The following OPCML variants were observed in gnomAD, a reference collection of about 807,000 sequenced individuals.
OPCML encodes opioid binding protein/cell adhesion molecule like.
Under a neutral mutation model 37.8 loss-of-function variants are expected in OPCML, and 13 were observed. That is an observed-to-expected ratio of 0.34 (90% CI 0.22 to 0.55). The LOEUF is 0.55. Ranked by LOEUF, OPCML falls within the 20% of genes least tolerant of loss-of-function variation. The pLI, the probability that OPCML is intolerant of heterozygous loss-of-function variation, is 0.91. For synonymous variants in OPCML, 176 were observed against 168.8 expected, an observed-to-expected ratio of 1.04 and a Z score of -0.33; for missense variants, 341 against 435.6, an observed-to-expected ratio of 0.78 and a Z score of 1.93.
chr11:132,816,638 T>C (rs181275881), intron 2 of OPCML, among the ~76,000 whole-genome samples: 9 of 152,288 alleles, frequency 5.9e-5, no homozygotes, highest in Non-Finnish European at 8.8e-5. Context: ...CTATTACTCA[T>C]GAGAGAAGAA....
At chr11:132,608,539 G>T (rs1044295131) in intron 3 of OPCML, among the ~76,000 whole-genome samples, 1 of 152,180 alleles carries the variant, frequency 6.6e-6, no homozygotes, top group African/African-American at 2.4e-5. Context: ...AGACTCCAGG[G>T]TGTCAGTCCC....
chr11:133,442,598 A>C (rs1157879650), intron 1 of OPCML, among the ~76,000 whole-genome samples: 1 of 152,198 alleles, frequency 6.6e-6, no homozygotes, highest in Non-Finnish European at 1.5e-5. Flanking sequence ...ATAAAACAGC[A>C]TTCAATCTTT....
chr11:133,409,155 C>A (rs1565618687), intron 1 of OPCML, among the ~76,000 whole-genome samples: 1 of 152,152 alleles, frequency 6.6e-6, no homozygotes, highest in African/African-American at 2.4e-5. Flanking sequence ...GAGGAACCAA[C>A]CAACGCGTCA....
At chr11:132,822,310 C>T (rs1940043971) in intron 2 of OPCML, among the ~76,000 whole-genome samples, 1 of 151,844 alleles carries the variant, frequency 6.6e-6, no homozygotes, top group Middle Eastern at 3.4e-3. Flanking sequence ...TCTCAAGTGT[C>T]CCCACAAAAA....
intron 3 of OPCML, among the ~76,000 whole-genome samples, chr11:132,648,847 CA>C (rs754884570): frequency 1.1e-4 from 16 of 152,048 alleles, no homozygotes; most frequent in Non-Finnish European, 1.8e-4. Flanking sequence ...TCCAGAGTCA[CA>C]TTTTTTTTTG....
chr11:132,467,225 C>T (rs896616157), intron 4 of OPCML, among the ~76,000 whole-genome samples: 2 of 152,166 alleles, frequency 1.3e-5, no homozygotes, highest in South Asian at 4.1e-4. Context: ...GGACAGAAGC[C>T]GAGTCCCTGT....
chr11:132,618,489 C>A (rs531079273), intron 3 of OPCML, among the ~76,000 whole-genome samples: 3 of 152,142 alleles, frequency 2.0e-5, no homozygotes, highest in Admixed American at 6.5e-5. Flanking sequence ...GGTGACAGAG[C>A]AAGACTCTGT....
At chr11:132,616,080 G>T (rs1028732653) in intron 3 of OPCML, among the ~76,000 whole-genome samples, 1 of 152,168 alleles carries the variant, frequency 6.6e-6, no homozygotes, top group African/African-American at 2.4e-5. Flanking sequence ...TGGGGCGTTG[G>T]TCAACCTAGA....
chr11:132,944,666 CG>C (rs1470754759), intron 1 of OPCML, among the ~76,000 whole-genome samples: 3 of 152,214 alleles, frequency 2.0e-5, no homozygotes, highest in Non-Finnish European at 4.4e-5. Flanking sequence ...GAAGCGGCGC[CG>C]CAGTGGTGCT....
intron 2 of OPCML, among the ~76,000 whole-genome samples, chr11:132,823,232 C>T (rs536192333): frequency 6.6e-6 from 1 of 152,252 alleles, no homozygotes; most frequent in Admixed American, 6.5e-5. Flanking sequence ...CAAATCTGCA[C>T]ACCTCCACAC....
chr11:132,712,476 C>T (rs974446624), intron 2 of OPCML, among the ~76,000 whole-genome samples: 13 of 152,166 alleles, frequency 8.5e-5, no homozygotes, highest in African/African-American at 2.9e-4. Flanking sequence ...TGTCTGACAC[C>T]GGGCACACTG....
chr11:132,657,840 A>G lies in OPCML; in HGVS notation c.147-521T>C, dbSNP rs1393144458. On this transcript the variant is annotated intron_variant, in intron 2 of 7. Coordinates refer to ENST00000524381, the MANE Select transcript of OPCML (RefSeq NM_001012393.5). ...GCCGAAAGCCTGCAAACTACAATTT[A>G]TAACATAGGTTGGTAAAATTCACCT... is the stretch of plus-strand genomic sequence containing the variant. 2.0e-5 allele frequency among the ~76,000 whole-genome samples: 3 copies of G among 152,266 alleles called. No homozygotes were observed. The East Asian group carries it at 5.8e-4, about 29-fold the overall frequency.
At chr11:132,651,888 C>G (rs376550585) in intron 3 of OPCML, among the ~76,000 whole-genome samples, 2 of 152,142 alleles carry the variant, frequency 1.3e-5, no homozygotes, top group East Asian at 1.9e-4. Flanking sequence ...AAGAGGAGTT[C>G]ATTCCATAAA....
chr11:132,549,227 T>A (rs748758535), intron 3 of OPCML, among the ~76,000 whole-genome samples: 30 of 152,188 alleles, frequency 2.0e-4, no homozygotes, highest in Non-Finnish European at 3.7e-4. Flanking sequence ...CTAATTATAA[T>A]GCATTAGCAT....
At chr11:133,410,438 A>C (rs909694509) in intron 1 of OPCML, among the ~76,000 whole-genome samples, 1 of 151,790 alleles carries the variant, frequency 6.6e-6, no homozygotes, top group Non-Finnish European at 1.5e-5. Context: ...ATGCCTTTGC[A>C]CTCAGCCCCG....
At chr11:133,067,800 G>A (rs1307586000) in intron 1 of OPCML, 3 of 152,096 alleles carry the variant, frequency 2.0e-5, no homozygotes, top group Non-Finnish European at 4.4e-5. Context: ...CATGGCTCAT[G>A]CCCAGGTCTG....
intron 1 of OPCML, among the ~76,000 whole-genome samples, chr11:132,967,828 A>C (rs567969646): frequency 7.9e-5 from 12 of 152,292 alleles, no homozygotes; most frequent in African/African-American, 2.9e-4. Flanking sequence ...GTCTGCAAGC[A>C]AGGTTTCTCA....
chr11:133,436,289 T>C (rs188821214), intron 1 of OPCML, among the ~76,000 whole-genome samples: 2 of 152,318 alleles, frequency 1.3e-5, no homozygotes, highest in African/African-American at 4.8e-5. Flanking sequence ...ACTGTTAGTT[T>C]TGGTTCCTCC....
intron 1 of OPCML, among the ~76,000 whole-genome samples, chr11:133,196,285 T>C (rs1360400716): frequency 6.6e-6 from 1 of 152,226 alleles, no homozygotes; most frequent in Non-Finnish European, 1.5e-5. Flanking sequence ...TCAAACACGT[T>C]GGTGATTTTA....
Sources: gnomAD v4.1 joint callset for allele counts (sites outside exome capture counted in the v4.1 genomes callset) on GRCh38, gnomAD v4.1.1 for gene constraint, MANE v1.5 for transcripts, NCBI Gene and HGNC (gene_info 2026-07-23, HGNC 2026-07-21) for gene names.